Variants in WRN observed in about 807,000 individuals in gnomAD.
WRN encodes the protein bifunctional 3'-5' exonuclease/ATP-dependent helicase WRN.
Under a neutral mutation model 180.7 loss-of-function variants are expected in WRN, and 149 were observed. That is an observed-to-expected ratio of 0.82 (90% CI 0.72 to 0.94). The LOEUF (loss-of-function observed/expected upper bound fraction) is 0.94, where lower values mean the gene tolerates loss of function less well. Ranked by LOEUF, WRN falls within the 40% of genes least tolerant of loss-of-function variation. The probability of loss-of-function intolerance (pLI) is 0.00; values close to 1 mark genes in which losing one functional copy is unlikely to be tolerated. For missense variants in WRN, 1,661 were observed against 1,700.1 expected (o/e 0.98, Z 0.40); for synonymous variants, 548 against 568.9 (o/e 0.96, Z 0.52).
At chr8:31,062,921 T>C (rs11574190) in intron 3 of WRN, among the ~76,000 whole-genome samples, 362 of 152,118 alleles carry the variant, frequency 2.4e-3, no homozygotes, top group Non-Finnish European at 4.1e-3. Flanking sequence ...GCCTCAACCT[T>C]ATGGGCTCGA....
At chr8:31,145,133 G>C (rs554394751) in intron 28 of WRN, among the ~76,000 whole-genome samples, 1 of 152,334 alleles carries the variant, frequency 6.6e-6, no homozygotes, top group African/African-American at 2.4e-5. Flanking sequence ...AGAAGATCTA[G>C]CTAAGATCAT....
intron 3 of WRN, among the ~76,000 whole-genome samples, chr8:31,061,609 T>A (rs1382835350): frequency 1.3e-5 from 2 of 152,124 alleles, no homozygotes; most frequent in African/African-American, 2.4e-5. Context: ...AAAGGAACTT[T>A]GTCAGACATC....
chr8:31,143,694 G>T, intron 28 of WRN, 71 bp downstream of exon 28: 1 of 1,103,984 alleles, frequency 9.1e-7, no homozygotes, highest in East Asian at 2.4e-5. Context: ...AGAAAGAACT[G>T]TCAGATGTTG....
At chr8:31,084,892 T>C (rs1263599369) in intron 10 of WRN, among the ~76,000 whole-genome samples, 6 of 152,176 alleles carry the variant, frequency 3.9e-5, no homozygotes, top group Admixed American at 1.3e-4. Flanking sequence ...AACTTGTCAT[T>C]TTGTATTCTT....
intron 7 of WRN, among the ~76,000 whole-genome samples, chr8:31,069,278 G>C (rs1812822063): frequency 1.3e-5 from 2 of 152,102 alleles, no homozygotes; most frequent in African/African-American, 4.8e-5. Context: ...TGGGTGGCAG[G>C]CCCTCCTTTA....
intron 8 of WRN, among the ~76,000 whole-genome samples, chr8:31,079,859 C>T (rs1267163703): frequency 3.3e-5 from 5 of 151,848 alleles, no homozygotes; most frequent in Admixed American, 2.6e-4. Context: ...TTAGGCAAAA[C>T]GGTATCATCA....
intron 28 of WRN, 31 bp from the exon 29 acceptor site, chr8:31,147,022 T>G (rs1170576036): frequency 6.5e-7 from 1 of 1,548,296 alleles, no homozygotes; most frequent in Admixed American, 1.7e-5. Flanking sequence ...AAGAAAAGCT[T>G]TTATTATTTA....
intron 9 of WRN, among the ~76,000 whole-genome samples, chr8:31,081,887 A>G (rs548854162): frequency 6.6e-6 from 1 of 152,120 alleles, no homozygotes; most frequent in South Asian, 2.1e-4. Context: ...CAGCCTCCCT[A>G]GTAGCTGGGA....
chr8:31,154,942 TAGC>T (rs1412115491), intron 32 of WRN, among the ~76,000 whole-genome samples, 187 bp downstream of exon 32: 1 of 152,208 alleles, frequency 6.6e-6, no homozygotes, highest in Non-Finnish European at 1.5e-5. Flanking sequence ...TGTTAAGTAA[TAGC>T]AGCAAGTTTA....
At chr8:31,119,318 G>A (rs1195952590) in intron 20 of WRN, among the ~76,000 whole-genome samples, 2 of 151,838 alleles carry the variant, frequency 1.3e-5, no homozygotes, top group Non-Finnish European at 2.9e-5. Flanking sequence ...TCCCACTTCT[G>A]TTTCCCATTC....
In WRN at chr8:31,125,059, T is replaced by C. The variant is rs568617313; in HGVS notation, c.2825+59T>C. 3.1e-5 allele frequency: 46 copies of C among 1,504,120 alleles called. No homozygotes were observed. The East Asian group carries it at 7.0e-4, about 23-fold the overall frequency. The allele number at this position is 1,504,120 out of a possible 1,614,324, so 93.2% of individuals were successfully genotyped here. On this transcript the variant is annotated intron_variant, in intron 23 of 34. Coordinates refer to ENST00000298139, the MANE Select transcript of WRN (RefSeq NM_000553.6). ...AAGTCTTTCTTTCTCTTCCTTTTCA[T>C]GTTTAACTGAATTTTTGTTGAATGA...
rs147317506 is a variant in WRN at position 31,051,818 on chromosome 8, A to G, written c.-76-6554A>G. Among the ~76,000 whole-genome samples the G allele has an allele frequency of 2.0e-5, 3 of 152,290 alleles. No homozygotes were observed. In the East Asian group the frequency reaches 5.8e-4, roughly 29 times the overall value. On this transcript the variant is annotated intron_variant, in intron 1 of 34. Coordinates refer to ENST00000298139, the MANE Select transcript of WRN (RefSeq NM_000553.6). The stretch of plus-strand genomic sequence containing the variant: ...TGAACTTTCAGTTTTAGAGCATTTT[A>G]TCTGTGTTCTGTAGTCAAAGTTGGT...
Position 31,088,979 on chromosome 8 carries a change from C to G in WRN, c.1652+14C>G. 1 of 1,602,528 alleles carries G rather than the reference C, an allele frequency of 6.2e-7. No individual in the cohort carries two copies. On this transcript the variant is annotated intron_variant, in intron 13 of 34. Coordinates refer to ENST00000298139, the MANE Select transcript of WRN (RefSeq NM_000553.6). Reference sequence around the variant, plus strand: ...CAGTTTTAAACCGTGAGTATAATCTCATTTAATCAAATCACATATTTAGTA... The same window carrying G: ...CAGTTTTAAACCGTGAGTATAATCTGATTTAATCAAATCACATATTTAGTA...
At chr8:31,153,727 C>T (rs1220434546) in intron 31 of WRN, among the ~76,000 whole-genome samples, 1 of 151,696 alleles carries the variant, frequency 6.6e-6, no homozygotes, top group African/African-American at 2.4e-5. Flanking sequence ...ATGTTTCTCA[C>T]CAAGCAGTAA....
chr8:31,098,696 T>C (rs1022359644), intron 17 of WRN, among the ~76,000 whole-genome samples: 2 of 152,224 alleles, frequency 1.3e-5, no homozygotes, highest in Non-Finnish European at 2.9e-5. Context: ...TTTAGGTAAA[T>C]GTTAAATTAC....
At chr8:31,157,193 G>T (rs996858960) in intron 32 of WRN, among the ~76,000 whole-genome samples, 175 bp from the exon 33 acceptor site, 2 of 152,128 alleles carry the variant, frequency 1.3e-5, no homozygotes, top group Non-Finnish European at 2.9e-5. Flanking sequence ...CCTATAGAGA[G>T]CTATAATGGG....
chr8:31,100,720 T>G, intron 17 of WRN, 129 bp from the exon 18 acceptor site: 2 of 745,022 alleles, frequency 2.7e-6, no homozygotes, highest in Non-Finnish European at 4.5e-6. Context: ...ATGATGATAT[T>G]TATGCTTCTG....
At position 31,132,354 on chromosome 8, in the gene WRN, T is replaced by C. The variant is rs372378452; in HGVS notation, c.2826-11T>C. Reference sequence around the variant, plus strand: ...GCTAAGCTTTCTTCAAATGTTATTATTTTTATTTAGATTGGATCATTGCTA... The same window carrying C: ...GCTAAGCTTTCTTCAAATGTTATTACTTTTATTTAGATTGGATCATTGCTA... On this transcript the variant is annotated splice_polypyrimidine_tract_variant and intron_variant, in intron 23 of 34. Transcript: ENST00000298139. 1.1e-5 allele frequency: 17 copies of C among 1,612,968 alleles called. 1 individual carries two copies. The African/African-American group carries it at 2.0e-4, about 19-fold the overall frequency.
At chr8:31,084,457 A>G (rs1352117128) in intron 10 of WRN, among the ~76,000 whole-genome samples, 4 of 152,072 alleles carry the variant, frequency 2.6e-5, no homozygotes, top group Admixed American at 6.6e-5. Context: ...CTTATTTTCA[A>G]TTTTTTTATT....
Sources: gnomAD v4.1 joint callset for allele counts (sites outside exome capture counted in the v4.1 genomes callset) on GRCh38, gnomAD v4.1.1 for gene constraint, MANE v1.5 for transcripts, NCBI Gene and HGNC (gene_info 2026-07-23, HGNC 2026-07-21) for gene names.